Variants in GPHN observed in about 807,000 individuals in gnomAD.
The protein encoded by GPHN is gephyrin.
A neutral mutation model predicts 95.5 loss-of-function variants in GPHN; 17 were observed. The observed-to-expected ratio is 0.18, with a 90% CI of 0.12 to 0.27. GPHN has a LOEUF of 0.27. GPHN is among the 10% of genes least tolerant of loss of function. The pLI is 1.00. For missense variants in GPHN, 660 were observed against 978.1 expected (o/e 0.67, Z 4.34); for synonymous variants, 320 against 322.5 (o/e 0.99, Z 0.08).
At chr14:67,685,492 C>A in the GPHN span, among the ~76,000 whole-genome samples, 7 of 152,262 alleles carry the variant, frequency 4.6e-5, no homozygotes, top group East Asian at 7.7e-4. Flanking sequence ...TCGTTGACCA[C>A]CCCCTTCTTT....
rs181030223 is a variant in GPHN at position 66,648,168 on chromosome 14, A to G, written c.65-32939A>G. ...TATAGTGCTTTGACTCTGGTTTACT[A>G]CTGTGCCCAGTGGGGTAGATATTTT... is the stretch of plus-strand genomic sequence containing the variant. On this transcript the variant is annotated intron_variant, in intron 1 of 22. Coordinates refer to ENST00000478722, the MANE Select transcript of GPHN (RefSeq NM_020806.5). Among the ~76,000 whole-genome samples the G allele has an allele frequency of 3.3e-5, 5 of 152,276 alleles. No individual in the cohort carries two copies. The East Asian group carries it at 5.8e-4, about 18-fold the overall frequency.
At chr14:67,585,794 T>G in the GPHN span, 1 of 1,012,264 alleles carries the variant, frequency 9.9e-7, no homozygotes, top group Middle Eastern at 2.7e-4. Context: ...AGTCCTCTAG[T>G]CTAGACACTG....
chr14:67,615,618 CT>C, the GPHN span: 2 of 552,158 alleles, frequency 3.6e-6, no homozygotes, highest in Admixed American at 2.0e-5. Context: ...CTAAGAAGTG[CT>C]TAGTGAGGGG....
At chr14:67,587,258 C>T in the GPHN span, 1 of 1,612,846 alleles carries the variant, frequency 6.2e-7, no homozygotes, top group African/African-American at 1.3e-5. Context: ...CCCGATTCCC[C>T]AACACCACTA....
intron 2 of GPHN, chr14:66,709,326 A>G (rs1353334718): frequency 4.4e-6 from 2 of 456,028 alleles, no homozygotes; most frequent in South Asian, 3.1e-5. Flanking sequence ...TATCACATTA[A>G]GCCTGTACTG....
At chr14:66,937,455 A>C (rs2067189966) in intron 8 of GPHN, among the ~76,000 whole-genome samples, 1 of 151,012 alleles carries the variant, frequency 6.6e-6, no homozygotes, top group African/African-American at 2.4e-5. Flanking sequence ...ATCTCAGCTC[A>C]CTGCAACCTC....
chr14:66,621,273 C>T (rs1290035323), intron 1 of GPHN, among the ~76,000 whole-genome samples: 1 of 125,236 alleles, frequency 8.0e-6, no homozygotes, highest in African/African-American at 4.4e-5. Context: ...CTGCACCCAG[C>T]CAATTTTTTT....
At chr14:66,971,414 G>T (rs188115868) in intron 9 of GPHN, among the ~76,000 whole-genome samples, 1 of 152,038 alleles carries the variant, frequency 6.6e-6, no homozygotes, top group Non-Finnish European at 1.5e-5. Flanking sequence ...CACAACCAAA[G>T]AAAATCTGAA....
chr14:66,998,887 A>AT lies in GPHN; in HGVS notation c.964-24746_964-24745insT, dbSNP rs1285742463. On this transcript the variant is annotated intron_variant, in intron 9 of 22. Transcript: ENST00000478722. ...GTTATGGTCCCTTTGTAAAAAAAAA[A>AT]AATATATATATATATATACACATAT... Among the ~76,000 whole-genome samples, 622 of 134,954 alleles carry AT rather than the reference A, an allele frequency of 4.6e-3. 3 individuals carry two copies. The highest frequency in any genetic ancestry group is 0.016 in the African/African-American group (530 of 33,904). 88.5% of individuals were successfully genotyped at this position (134,954 alleles called of 152,430 possible).
the GPHN span, among the ~76,000 whole-genome samples, chr14:67,643,800 G>A: frequency 7.8e-6 from 1 of 127,998 alleles, no homozygotes; most frequent in Non-Finnish European, 1.6e-5. Flanking sequence ...TCACTGAACA[G>A]AAATGAAATC....
chr14:67,598,483 G>GA, the GPHN span, among the ~76,000 whole-genome samples: 1 of 151,964 alleles, frequency 6.6e-6, no homozygotes, highest in Non-Finnish European at 1.5e-5. Context: ...ATAAGTCATT[G>GA]CTCTTTGTGA....
At chr14:67,578,498 C>T in the GPHN span, 6 of 1,384,688 alleles carry the variant, frequency 4.3e-6, no homozygotes, top group South Asian at 1.2e-5. The surrounding 1 kb of genome is among the most constrained non-coding windows in gnomAD (Gnocchi z 5.0). Context: ...TGCTGTAGGC[C>T]CAGCACTCAC....
At chr14:67,244,227 C>T in the GPHN span, among the ~76,000 whole-genome samples, 3 of 152,270 alleles carry the variant, frequency 2.0e-5, no homozygotes, top group South Asian at 6.2e-4. Context: ...TCTCCTTGAG[C>T]GCATGTGTGG....
chr14:67,058,747 A>T lies in GPHN; in HGVS notation c.1105A>T (p.Met369Leu), dbSNP rs777662783. Residue 369 changes from methionine (M) to leucine (L), a missense_variant, in exon 11 of 23, where the codon ATG becomes TTG. This residue lies in a region of GPHN where 257 missense variants were observed against 376.2 expected (regional missense o/e 0.68). Coordinates refer to ENST00000478722, the MANE Select transcript of GPHN (RefSeq NM_020806.5). Reference protein sequence around the residue: ...MDKAFITVLEMTPVLGTEIIN... With the variant: ...MDKAFITVLELTPVLGTEIIN... ...CAAAGCCTTTATCACAGTCCTGGAG[A>T]TGACTCCGGTGCTTGGGACAGAAAT... is the stretch of plus-strand genomic sequence containing the variant. 6.2e-7 allele frequency: 1 copy of T among 1,613,756 alleles called. No individual in the cohort carries two copies. Among genetic ancestry groups the T allele is most frequent in the South Asian group, 1.1e-5 (1 of 91,070 alleles).
chr14:67,422,260 C>T, the GPHN span, among the ~76,000 whole-genome samples: 7 of 152,264 alleles, frequency 4.6e-5, no homozygotes, highest in East Asian at 1.4e-3. Flanking sequence ...CAAAACTGTT[C>T]ACCTTGTCCT....
intron 9 of GPHN, among the ~76,000 whole-genome samples, chr14:67,013,369 A>G (rs1253862692): frequency 6.6e-6 from 1 of 152,044 alleles, no homozygotes; most frequent in Non-Finnish European, 1.5e-5. Context: ...ACCTACAGGT[A>G]TAGGGCTTAT....
the GPHN span, chr14:67,574,528 A>T: frequency 1.4e-6 from 1 of 723,312 alleles, no homozygotes; most frequent in Non-Finnish European, 2.1e-6. The surrounding 1 kb of genome is among the most constrained non-coding windows in gnomAD (Gnocchi z 4.2). Context: ...GCCTCCTCAC[A>T]GTGACTCGCT....
intron 10 of GPHN, among the ~76,000 whole-genome samples, chr14:67,038,789 A>G (rs933587387): frequency 1.3e-5 from 2 of 152,062 alleles, no homozygotes; most frequent in African/African-American, 2.4e-5. Flanking sequence ...TTATTCCTGT[A>G]TTGTTCTTTT....
chr14:67,271,537 T>C, the GPHN span: 1 of 152,212 alleles, frequency 6.6e-6, no homozygotes, highest in Non-Finnish European at 1.5e-5. Flanking sequence ...ACAGGGATTA[T>C]AGGATTCCAG....
Sources: gnomAD v4.1 joint callset for allele counts (sites outside exome capture counted in the v4.1 genomes callset) on GRCh38, gnomAD v4.1.1 for gene constraint, gnomAD v4.1.1 regional missense constraint, Gnocchi (gnomAD v3.1) non-coding constraint, MANE v1.5 for transcripts, NCBI Gene and HGNC (gene_info 2026-07-23, HGNC 2026-07-21) for gene names.